Variants in LARGE1 observed in about 807,000 individuals in gnomAD.
LARGE1 encodes xylosyl- and glucuronyltransferase LARGE1.
LARGE1 carries 43 observed loss-of-function variants against 87.6 expected under a neutral mutation model. The observed-to-expected ratio is 0.49, with a 90% CI of 0.38 to 0.63. The LOEUF (loss-of-function observed/expected upper bound fraction) is 0.63. Ranked by LOEUF, LARGE1 falls within the 30% of genes least tolerant of loss-of-function variation. The pLI, the probability that LARGE1 is intolerant of heterozygous loss-of-function variation, is 0.00. For missense variants in LARGE1, 802 were observed against 1,000.2 expected (o/e 0.80, Z 2.67); for synonymous variants, 434 against 394.6 (o/e 1.10, Z -1.18).
chr22:33,716,204 G>A (rs1204782285), intron 2 of LARGE1, among the ~76,000 whole-genome samples: 5 of 152,070 alleles, frequency 3.3e-5, no homozygotes, highest in African/African-American at 9.7e-5. Flanking sequence ...CAGGATGGCC[G>A]TTAGATTTGA....
chr22:33,611,876 G>A (rs1284227415), intron 4 of LARGE1, among the ~76,000 whole-genome samples: 3 of 152,164 alleles, frequency 2.0e-5, no homozygotes, highest in Admixed American at 2.0e-4. Context: ...TACTGAGTGA[G>A]TTCTCATGTG....
At chr22:33,428,756 A>G (rs1192926536) in intron 7 of LARGE1, among the ~76,000 whole-genome samples, 1 of 88,780 alleles carries the variant, frequency 1.1e-5, no homozygotes, top group Non-Finnish European at 2.2e-5. Context: ...CCCCGTCACT[A>G]CTAAAAAAAA....
intron 2 of LARGE1, among the ~76,000 whole-genome samples, chr22:33,725,282 C>A (rs2083236032): frequency 6.6e-6 from 1 of 152,134 alleles, no homozygotes; most frequent in East Asian, 1.9e-4. Flanking sequence ...AGGATGTGGT[C>A]TGGGAGGCAG....
At chr22:33,777,633 AGGGAGGGGAAGG>A (rs200268282) in intron 1 of LARGE1, among the ~76,000 whole-genome samples, 17 of 40,426 alleles carry the variant, frequency 4.2e-4, no homozygotes, top group African/African-American at 1.0e-3. Flanking sequence ...ACAGAGAGGG[AGGGAGGGGAAGG>A]GGGAGGGGGA....
chr22:33,130,010 A>G, the LARGE1 span, among the ~76,000 whole-genome samples: 1 of 152,140 alleles, frequency 6.6e-6, no homozygotes, highest in South Asian at 2.1e-4. Context: ...TGCAACTTCT[A>G]TTTCATTCTA....
At chr22:33,446,885 T>C (rs933488901) in intron 6 of LARGE1, among the ~76,000 whole-genome samples, 6 of 152,034 alleles carry the variant, frequency 3.9e-5, no homozygotes. Flanking sequence ...GTGGTCAGAA[T>C]TGTGGGTTTT....
intron 4 of LARGE1, among the ~76,000 whole-genome samples, chr22:33,625,744 TCTC>T (rs761600846): frequency 1.3e-5 from 2 of 152,292 alleles, no homozygotes; most frequent in African/African-American, 4.8e-5. Flanking sequence ...TGTATCCTAA[TCTC>T]CTCTTTTTTT....
chr22:33,604,388 C>T (rs770743302), intron 5 of LARGE1, 47 bp downstream of exon 5: 3 of 1,613,098 alleles, frequency 1.9e-6, no homozygotes, highest in Middle Eastern at 1.6e-4. Flanking sequence ...AGTAATAACG[C>T]TTCCAGCTAG....
intron 1 of LARGE1, among the ~76,000 whole-genome samples, chr22:33,830,719 C>T (rs923222144): frequency 5.3e-5 from 8 of 152,046 alleles, no homozygotes; most frequent in African/African-American, 1.7e-4. Context: ...TAACTGAATA[C>T]CATAGACTGG....
chr22:33,159,257 C>T (rs1433221739), downstream of LARGE1, among the ~76,000 whole-genome samples: 1 of 152,148 alleles, frequency 6.6e-6, no homozygotes, highest in African/African-American at 2.4e-5. Context: ...CTAATTATAA[C>T]ATAAAATCAA....
At chr22:33,635,797 T>C (rs1482357715) in intron 3 of LARGE1, among the ~76,000 whole-genome samples, 3 of 152,256 alleles carry the variant, frequency 2.0e-5, no homozygotes, top group Non-Finnish European at 4.4e-5. Context: ...CAAATCATGT[T>C]ACAAACCTCC....
At chr22:33,783,620 A>C (rs1385469946) in intron 1 of LARGE1, among the ~76,000 whole-genome samples, 1 of 152,186 alleles carries the variant, frequency 6.6e-6, no homozygotes, top group Non-Finnish European at 1.5e-5. Flanking sequence ...GGTGTCTACT[A>C]AAAGTACTCT....
At chr22:33,327,294 CACCTTCATAGCGTGAG>C (rs1316149346) in intron 10 of LARGE1, among the ~76,000 whole-genome samples, 1 of 152,152 alleles carries the variant, frequency 6.6e-6, no homozygotes, top group Non-Finnish European at 1.5e-5. Flanking sequence ...AGTGGCCTGT[CACCTTCATAGCGTGAG>C]AGAGTTAAGC....
At chr22:33,187,108 C>T (rs1433760731) in intron 11 of LARGE1, among the ~76,000 whole-genome samples, 2 of 152,168 alleles carry the variant, frequency 1.3e-5, no homozygotes, top group African/African-American at 4.8e-5. Flanking sequence ...AAAATTAGAA[C>T]TACCATATGA....
intron 11 of LARGE1, among the ~76,000 whole-genome samples, chr22:33,174,862 C>A (rs149581116): frequency 8.5e-5 from 13 of 152,066 alleles, no homozygotes; most frequent in Admixed American, 8.5e-4. Context: ...AGCCTACCAA[C>A]CAAAAAATGT....
At chr22:33,169,260 T>C (rs1274813545) in intron 11 of LARGE1, among the ~76,000 whole-genome samples, 1 of 152,168 alleles carries the variant, frequency 6.6e-6, no homozygotes, top group Non-Finnish European at 1.5e-5. Context: ...GTCTTACGTA[T>C]AATGAGGTAG....
intron 4 of LARGE1, among the ~76,000 whole-genome samples, chr22:33,606,510 C>T (rs951793891): frequency 2.0e-5 from 3 of 151,998 alleles, no homozygotes; most frequent in Non-Finnish European, 2.9e-5. Flanking sequence ...TTTTAGCTCT[C>T]GGCCGTCGGC....
chr22:33,771,479 T>G (rs2085066897), intron 1 of LARGE1, among the ~76,000 whole-genome samples: 1 of 152,208 alleles, frequency 6.6e-6, no homozygotes, highest in South Asian at 2.1e-4. Flanking sequence ...GTAAACTCAC[T>G]TCTCCAACCT....
chr22:33,565,306 T>C (rs1001640804), intron 5 of LARGE1, among the ~76,000 whole-genome samples: 3 of 152,194 alleles, frequency 2.0e-5, no homozygotes, highest in Admixed American at 6.5e-5. Context: ...ACTTTTGTTA[T>C]TATAGAAATT....
Sources: gnomAD v4.1 joint callset for allele counts (sites outside exome capture counted in the v4.1 genomes callset) on GRCh38, gnomAD v4.1.1 for gene constraint, MANE v1.5 for transcripts, NCBI Gene and HGNC (gene_info 2026-07-23, HGNC 2026-07-21) for gene names.